COL11A1: variants seen among roughly 807,000 people sequenced by gnomAD.
COL11A1 encodes collagen type XI alpha 1 chain.
A neutral mutation model predicts 265.2 loss-of-function variants in COL11A1; 74 were observed. The ratio of observed to expected loss-of-function variants is 0.28; its 90% CI spans 0.23 to 0.34. COL11A1 has a LOEUF of 0.34. Among genes scored for constraint, COL11A1 ranks in the 10% least tolerant of loss-of-function variants. The probability of loss-of-function intolerance (pLI) is 1.00; values close to 1 mark genes in which losing one functional copy is unlikely to be tolerated. For synonymous variants in COL11A1, 816 were observed against 727.6 expected, an observed-to-expected ratio of 1.12 and a Z score of -1.96; for missense variants, 2,165 against 2,263.6, an observed-to-expected ratio of 0.96 and a Z score of 0.88.
chr1:102,905,286 C>G (rs554430238), intron 54 of COL11A1, among the ~76,000 whole-genome samples: 1 of 150,086 alleles, frequency 6.7e-6, no homozygotes, highest in African/African-American at 2.5e-5. Flanking sequence ...TGACGAGTTA[C>G]TGGGTGCAGC....
intron 47 of COL11A1, among the ~76,000 whole-genome samples, chr1:102,922,170 C>T (rs1201203538): frequency 1.3e-5 from 2 of 152,062 alleles, no homozygotes; most frequent in East Asian, 3.9e-4. Flanking sequence ...TAGTCTACAG[C>T]GAATTTGTTT....
intron 4 of COL11A1, among the ~76,000 whole-genome samples, chr1:103,046,924 G>A (rs1213664158): frequency 5.3e-5 from 8 of 152,020 alleles, no homozygotes; most frequent in South Asian, 2.1e-4. Context: ...GTAGATATGC[G>A]GCATTATTTC....
At chr1:102,894,688 A>T (rs1237764677) in intron 57 of COL11A1, among the ~76,000 whole-genome samples, 1 of 152,216 alleles carries the variant, frequency 6.6e-6, no homozygotes, top group Non-Finnish European at 1.5e-5. Context: ...ACTCTAGCAG[A>T]GTCCCACTTA....
chr1:102,929,579 T>C (rs1232426404), intron 46 of COL11A1, among the ~76,000 whole-genome samples: 1 of 152,014 alleles, frequency 6.6e-6, no homozygotes. Context: ...ATGCGGGCTC[T>C]TTTTTGGTTC....
chr1:102,992,941 A>G (rs1291808316), intron 28 of COL11A1, among the ~76,000 whole-genome samples: 2 of 152,066 alleles, frequency 1.3e-5, no homozygotes, highest in Non-Finnish European at 2.9e-5. Context: ...AATTGTTAAT[A>G]AGCTTTCCTA....
At position 103,042,238 on chromosome 1, in the gene COL11A1, G is replaced by T. The variant is rs1571128168; in HGVS notation, c.652-10994C>A. Among the ~76,000 whole-genome samples the T allele has an allele frequency of 5.9e-5, 9 of 152,036 alleles. No homozygotes were observed. The South Asian group carries it at 1.9e-3, about 32-fold the overall frequency. On this transcript the variant is annotated intron_variant, in intron 4 of 66. Coordinates refer to ENST00000370096, the MANE Select transcript of COL11A1 (RefSeq NM_001854.4). ...CCTCCTCTCAAATACTTATAGACTG[G>T]TTATTCAGATTATTATACACAAATA... is the stretch of plus-strand genomic sequence containing the variant.
chr1:102,934,967 T>TCC, intron 45 of COL11A1, 93 bp downstream of exon 45: 1 of 1,180,166 alleles, frequency 8.5e-7, no homozygotes, highest in Admixed American at 1.8e-5. Context: ...CAAAACTTAT[T>TCC]ACCCCACAAA....
At chr1:102,989,873 TA>T (rs1663954260) in intron 28 of COL11A1, among the ~76,000 whole-genome samples, 1 of 152,140 alleles carries the variant, frequency 6.6e-6, no homozygotes, top group Admixed American at 6.6e-5. Context: ...ATGTATTCTA[TA>T]CTGGTTAAAC....
chr1:102,995,821 A>T, intron 28 of COL11A1, 43 bp downstream of exon 28: 1 of 1,484,702 alleles, frequency 6.7e-7, no homozygotes, highest in South Asian at 1.1e-5. Flanking sequence ...AAATGTTAAC[A>T]TAATACACAG....
At chr1:102,984,256 T>G in intron 30 of COL11A1, 65 bp from the exon 31 acceptor site, 1 of 1,102,734 alleles carries the variant, frequency 9.1e-7, no homozygotes, top group Non-Finnish European at 1.3e-6. Flanking sequence ...AATAATGATT[T>G]CAATTTTTTT....
At chr1:103,055,497 T>C (rs1461462536) in intron 4 of COL11A1, among the ~76,000 whole-genome samples, 1 of 152,208 alleles carries the variant, frequency 6.6e-6, no homozygotes, top group East Asian at 1.9e-4. Flanking sequence ...TTTTCTTTCT[T>C]AATTAAAGAA....
chr1:102,936,932 G>A (rs1026051827), intron 44 of COL11A1, among the ~76,000 whole-genome samples: 1 of 152,078 alleles, frequency 6.6e-6, no homozygotes, highest in Non-Finnish European at 1.5e-5. Context: ...ATTTATGTGA[G>A]CTTAGATTTT....
At chr1:102,993,254 C>T (rs1353795010) in intron 28 of COL11A1, among the ~76,000 whole-genome samples, 4 of 152,064 alleles carry the variant, frequency 2.6e-5, no homozygotes, top group Non-Finnish European at 5.9e-5. Flanking sequence ...ACATGTTAAA[C>T]CCTACCTGAC....
intron 13 of COL11A1, among the ~76,000 whole-genome samples, chr1:103,013,708 A>G (rs1433682728): frequency 6.6e-6 from 1 of 152,034 alleles, no homozygotes; most frequent in East Asian, 1.9e-4. Flanking sequence ...ATCATGATGC[A>G]TAAAAATTTT....
intron 40 of COL11A1, 107 bp downstream of exon 40, chr1:102,962,069 T>C: frequency 9.4e-7 from 1 of 1,066,916 alleles, no homozygotes; most frequent in South Asian, 1.3e-5. Flanking sequence ...ATCAAATATA[T>C]ATGTTTATAT....
chr1:102,972,282 C>CT (rs1315042189), intron 36 of COL11A1, among the ~76,000 whole-genome samples: 7 of 151,986 alleles, frequency 4.6e-5, no homozygotes, highest in South Asian at 2.1e-4. Context: ...ACAAGACTTA[C>CT]TTTTTTTTAA....
chr1:103,003,132 C>G (rs1665280748), intron 21 of COL11A1, 83 bp downstream of exon 21: 2 of 1,399,766 alleles, frequency 1.4e-6, no homozygotes, highest in Non-Finnish European at 2.0e-6. Flanking sequence ...ACTCTTGGCT[C>G]TCTACTGAGG....
intron 2 of COL11A1, 142 bp downstream of exon 2, chr1:103,082,663 T>C: frequency 1.4e-6 from 1 of 722,618 alleles, no homozygotes; most frequent in Non-Finnish European, 2.2e-6. Flanking sequence ...TAAGAAAGAA[T>C]TGCATTTTAC....
intron 46 of COL11A1, among the ~76,000 whole-genome samples, chr1:102,925,562 A>T (rs2101102883): frequency 6.6e-6 from 1 of 152,180 alleles, no homozygotes; most frequent in Admixed American, 6.5e-5. Context: ...TGCTATATAT[A>T]CTTCCCAAAC....
Sources: gnomAD v4.1 joint callset for allele counts (sites outside exome capture counted in the v4.1 genomes callset) on GRCh38, gnomAD v4.1.1 for gene constraint, MANE v1.5 for transcripts, NCBI Gene and HGNC (gene_info 2026-07-23, HGNC 2026-07-21) for gene names.